DCDC2C: variants seen among roughly 807,000 people sequenced by gnomAD.
The protein encoded by DCDC2C is doublecortin domain containing 2C, also known as doublecortin domain-containing protein 2C.
Under a neutral mutation model 45.0 loss-of-function variants are expected in DCDC2C, and 44 were observed. The observed-to-expected ratio is 0.98, with a 90% CI of 0.77 to 1.26. The LOEUF (loss-of-function observed/expected upper bound fraction) is 1.26. DCDC2C is among the 50% of genes most tolerant of loss of function. DCDC2C has a pLI of 0.00. For synonymous variants in DCDC2C, 187 were observed against 178.8 expected (o/e 1.05, Z -0.37); for missense variants, 447 against 468.9 (o/e 0.95, Z 0.43).
chr2:3,707,491 C>G (rs866751601), intron 1 of DCDC2C, among the ~76,000 whole-genome samples: 1 of 152,232 alleles, frequency 6.6e-6, no homozygotes, highest in Non-Finnish European at 1.5e-5. Context: ...ACTCAGCCAG[C>G]AGCCATGTTT....
At chr2:3,787,556 CCTTA>C (rs1239778446) in intron 10 of DCDC2C, among the ~76,000 whole-genome samples, 1 of 152,186 alleles carries the variant, frequency 6.6e-6, no homozygotes, top group Non-Finnish European at 1.5e-5. Flanking sequence ...ATGCACAATG[CCTTA>C]CTTACAGTCG....
At chr2:3,814,320 T>C (rs139700407) in intron 10 of DCDC2C, among the ~76,000 whole-genome samples, 1,679 of 152,328 alleles carry the variant, frequency 0.011, 25 homozygotes, top group African/African-American at 0.038. Flanking sequence ...ATTTGGCTAT[T>C]GATACTTGTG....
At chr2:3,750,408 C>A (rs551790468) in intron 4 of DCDC2C, among the ~76,000 whole-genome samples, 1 of 152,274 alleles carries the variant, frequency 6.6e-6, no homozygotes, top group Admixed American at 6.5e-5. Flanking sequence ...TTTTATTTAA[C>A]CACGTCCTCT....
At chr2:3,804,384 A>G (rs2148206139) in intron 10 of DCDC2C, among the ~76,000 whole-genome samples, 2 of 152,276 alleles carry the variant, frequency 1.3e-5, no homozygotes, top group South Asian at 4.1e-4. Context: ...TGCCTTGCCC[A>G]TTATTTCATT....
chr2:3,794,671 C>A (rs1670910695), intron 10 of DCDC2C, among the ~76,000 whole-genome samples: 1 of 152,164 alleles, frequency 6.6e-6, no homozygotes, highest in Non-Finnish European at 1.5e-5. Flanking sequence ...CAATTTCATC[C>A]ATGTCCCTAC....
intron 10 of DCDC2C, among the ~76,000 whole-genome samples, chr2:3,796,152 T>C: frequency 9.3e-6 from 1 of 107,192 alleles, no homozygotes; most frequent in Non-Finnish European, 1.8e-5. Flanking sequence ...AGTTCACTGA[T>C]GATTTGGCTC....
chr2:3,804,406 A>G (rs1315663937), intron 10 of DCDC2C, among the ~76,000 whole-genome samples: 1 of 151,970 alleles, frequency 6.6e-6, no homozygotes, highest in African/African-American at 2.4e-5. Context: ...CCTGCTTTTA[A>G]TTTCCTAGTT....
chr2:3,704,375 AG>A (rs1212618139), intron 1 of DCDC2C, among the ~76,000 whole-genome samples: 1 of 63,668 alleles, frequency 1.6e-5, no homozygotes, highest in African/African-American at 6.2e-5. Context: ...GGCGTGGGGG[AG>A]GGGTGTGGAG....
Position 3,732,524 on chromosome 2 carries a change from T to C in DCDC2C, c.416+5445T>C, listed in dbSNP as rs536288857. Among the ~76,000 whole-genome samples, 3 of 152,118 alleles carry C rather than the reference T, an allele frequency of 2.0e-5. No individual in the cohort carries two copies. The South Asian group carries it at 6.2e-4, about 32-fold the overall frequency. On this transcript the variant is annotated intron_variant, in intron 3 of 10. Transcript: ENST00000399143. ...ACAAAACAGCACAAGGCCTTTCTTG[T>C]GTGGGGTTCAAGGTTAGTTTCCTGA...
chr2:3,806,185 G>A (rs1049410256), intron 10 of DCDC2C, among the ~76,000 whole-genome samples: 2 of 152,138 alleles, frequency 1.3e-5, no homozygotes, highest in East Asian at 3.9e-4. Context: ...TCATGATTTT[G>A]CACTTCATGA....
rs61141962 is a variant in DCDC2C, at chr2:3,838,452, C to CAGAGAGAGAGAGAGAG, written c.1066-8686_1066-8671dup. 2.8e-3 allele frequency among the ~76,000 whole-genome samples: 317 copies of CAGAGAGAGAGAGAGAG among 112,458 alleles called. 3 individuals are homozygous for CAGAGAGAGAGAGAGAG. The highest frequency in any genetic ancestry group is 0.014 in the Middle Eastern group (3 of 210). The allele number at this position is 112,458 out of a possible 152,430, so 73.8% of individuals were successfully genotyped here. On this transcript the variant is annotated intron_variant, in intron 10 of 10. Coordinates refer to ENST00000399143, the MANE Select transcript of DCDC2C (RefSeq NM_001287444.2). ...CTGTTGTGGTCCCCAAGGATCATGA[C>CAGAGAGAGAGAGAGAG]AGAGAGAGAGAGAGAGAGAGAGAGA...
intron 4 of DCDC2C, among the ~76,000 whole-genome samples, chr2:3,751,514 A>T (rs1669541767): frequency 6.6e-6 from 1 of 152,210 alleles, no homozygotes; most frequent in Non-Finnish European, 1.5e-5. Flanking sequence ...CAGGAGAAGC[A>T]GCAGCTTGTC....
intron 6 of DCDC2C, among the ~76,000 whole-genome samples, chr2:3,758,315 G>T (rs1252467403): frequency 1.3e-5 from 2 of 152,206 alleles, no homozygotes; most frequent in Non-Finnish European, 2.9e-5. Flanking sequence ...AGTTGCTCAT[G>T]GATAAACTTG....
chr2:3,840,023 G>GAA (rs144502268), intron 10 of DCDC2C, among the ~76,000 whole-genome samples: 1,627 of 152,310 alleles, frequency 0.011, 31 homozygotes, highest in African/African-American at 0.036. Flanking sequence ...AATTGTCGGA[G>GAA]AAGATGTTCA....
At chr2:3,711,127 A>G (rs549249992) in intron 2 of DCDC2C, among the ~76,000 whole-genome samples, 7 of 152,342 alleles carry the variant, frequency 4.6e-5, no homozygotes, top group African/African-American at 1.7e-4. Context: ...CTATTATTAA[A>G]AAGTCAAAAA....
At chr2:3,793,247 A>G (rs925835206) in intron 10 of DCDC2C, among the ~76,000 whole-genome samples, 3 of 152,362 alleles carry the variant, frequency 2.0e-5, no homozygotes, top group Middle Eastern at 3.4e-3. Context: ...ACACTTAAGA[A>G]TACATTTCAC....
At chr2:3,803,636 T>A (rs1221189302) in intron 10 of DCDC2C, among the ~76,000 whole-genome samples, 1 of 152,220 alleles carries the variant, frequency 6.6e-6, no homozygotes, top group African/African-American at 2.4e-5. Flanking sequence ...TCATCTCAAG[T>A]CCAGTGTCCT....
intron 1 of DCDC2C, among the ~76,000 whole-genome samples, chr2:3,707,708 A>T (rs1054356373): frequency 6.6e-6 from 1 of 152,226 alleles, no homozygotes; most frequent in South Asian, 2.1e-4. Context: ...TGGTCCCACC[A>T]GCCACAGCCC....
At chr2:3,728,059 C>T (rs1160825399) in intron 3 of DCDC2C, among the ~76,000 whole-genome samples, 1 of 152,180 alleles carries the variant, frequency 6.6e-6, no homozygotes, top group East Asian at 1.9e-4. Flanking sequence ...CCAGAGAATG[C>T]TGAGCTCTTC....
Sources: allele counts gnomAD v4.1 joint callset (sites outside exome capture counted in the v4.1 genomes callset), GRCh38; gene constraint gnomAD v4.1.1; transcripts MANE v1.5; gene names NCBI Gene and HGNC (gene_info 2026-07-23, HGNC 2026-07-21).